Variants in GIGYF2 observed in about 807,000 individuals in gnomAD.
The protein encoded by GIGYF2 is GRB10 interacting GYF protein 2, also known as GRB10-interacting GYF protein 2.
In GIGYF2, 25 loss-of-function variants were observed where a neutral mutation model predicts 208.1. That is an observed-to-expected ratio of 0.12 (90% CI 0.09 to 0.17). The LOEUF is 0.17. Among genes scored for constraint, GIGYF2 ranks in the 10% least tolerant of loss-of-function variants. The pLI, the probability that GIGYF2 is intolerant of heterozygous loss-of-function variation, is 1.00. For missense variants in GIGYF2, 1,302 were observed against 1,579.4 expected (o/e 0.82, Z 2.98); for synonymous variants, 534 against 543.8 (o/e 0.98, Z 0.25).
In GIGYF2 at chr2:232,790,998, C is replaced by T; in HGVS notation, c.931-10C>T. The stretch of plus-strand genomic sequence containing the variant: ...TGCTGTTGATCTTTGGTTTTATTCT[C>T]TTTCTACAGAAAGTACAGAAAGAGC... On this transcript the variant is annotated splice_polypyrimidine_tract_variant and intron_variant, in intron 10 of 28. Coordinates refer to ENST00000373563, the MANE Select transcript of GIGYF2 (RefSeq NM_001103146.3). 2 of 1,613,980 alleles carry T rather than the reference C, an allele frequency of 1.2e-6. No homozygotes were observed. The highest frequency in any genetic ancestry group is 2.2e-5 in the South Asian group (2 of 91,078).
intron 2 of GIGYF2, among the ~76,000 whole-genome samples, chr2:232,718,738 G>C (rs1384191527): frequency 6.6e-6 from 1 of 152,184 alleles, no homozygotes; most frequent in Non-Finnish European, 1.5e-5. Context: ...ACTAAAAATT[G>C]CTGGCTGCTG....
Position 232,767,998 on chromosome 2 carries a change from CT to C in GIGYF2, c.532+6565del, listed in dbSNP as rs1699043590. 8 of 593,060 alleles carry C rather than the reference CT, an allele frequency of 1.3e-5. No homozygotes were observed. The East Asian group carries it at 2.3e-4, about 17-fold the overall frequency. 36.7% of individuals were successfully genotyped at this position (593,060 alleles called of 1,614,324 possible). A position where few individuals can be genotyped will look rare whatever the true frequency, so the allele number is the denominator to read the frequency against. On this transcript the variant is annotated intron_variant, in intron 8 of 28. Transcript: ENST00000373563. ...TACATTGATTTCAGCAGGTAACAAACTTTGTAATGTAGAGTGTTATGTTTCC... is the reference window on the plus strand; with the variant it reads ...TACATTGATTTCAGCAGGTAACAAACTTGTAATGTAGAGTGTTATGTTTCC...
At chr2:232,738,227 C>G (rs1193486399) in intron 3 of GIGYF2, among the ~76,000 whole-genome samples, 3 of 152,016 alleles carry the variant, frequency 2.0e-5, no homozygotes, top group African/African-American at 7.3e-5. Flanking sequence ...AAGGCTTGAA[C>G]TTTTTAAGGT....
intron 28 of GIGYF2, among the ~76,000 whole-genome samples, chr2:232,854,972 G>A (rs555201184): frequency 1.7e-4 from 26 of 152,138 alleles, no homozygotes; most frequent in African/African-American, 5.8e-4. Flanking sequence ...GTTTAAAGAG[G>A]CATTGTTCAT....
At chr2:232,837,557 C>G (rs989582797) in intron 22 of GIGYF2, among the ~76,000 whole-genome samples, 1 of 152,060 alleles carries the variant, frequency 6.6e-6, no homozygotes, top group Non-Finnish European at 1.5e-5. Context: ...TGAGTTCAAG[C>G]GATCCTCCTG....
intron 2 of GIGYF2, among the ~76,000 whole-genome samples, chr2:232,719,480 C>G (rs1371764096): frequency 6.6e-6 from 1 of 152,122 alleles, no homozygotes; most frequent in Non-Finnish European, 1.5e-5. Context: ...AGGTCAGAGT[C>G]TGTCTTTTCT....
intron 3 of GIGYF2, among the ~76,000 whole-genome samples, chr2:232,740,842 C>T (rs960279921): frequency 1.8e-4 from 27 of 152,096 alleles, no homozygotes; most frequent in African/African-American, 6.0e-4. Context: ...TTCCAGTTTT[C>T]AGAAAGGGTA....
rs141126295 is a variant in GIGYF2, at chr2:232,844,067, T to A, written c.2911T>A (p.Leu971Met). 2.9e-5 allele frequency: 47 copies of A among 1,612,270 alleles called. No individual in the cohort carries two copies. The highest frequency in any genetic ancestry group is 5.3e-5 in the African/African-American group (4 of 74,866). The change falls in exon 24 of 29, where the codon TTG (leucine) becomes ATG (methionine). Residue 971 changes from leucine to methionine, a missense_variant. Physicochemically the swap from Leu to Met is conservative, Grantham distance 15. Coordinates refer to ENST00000373563, the MANE Select transcript of GIGYF2 (RefSeq NM_001103146.3). The part of the protein sequence containing the change: ...REEQRRQQRE[L>M]MKALQQQQQQ... ...ACAGCAAAGGCGCCAGCAGAGGGAG[T>A]TGATGAAAGCTCTTCAGCAGCAGCA... is the stretch of plus-strand genomic sequence containing the variant.
chr2:232,725,085 G>A (rs909063121), intron 2 of GIGYF2, among the ~76,000 whole-genome samples: 4 of 151,876 alleles, frequency 2.6e-5, no homozygotes, highest in African/African-American at 9.7e-5. Context: ...TATGTTGTTG[G>A]TAACCTTTCA....
At chr2:232,732,391 A>G (rs1245276880) in intron 2 of GIGYF2, among the ~76,000 whole-genome samples, 1 of 152,046 alleles carries the variant, frequency 6.6e-6, no homozygotes, top group Non-Finnish European at 1.5e-5. Flanking sequence ...TAGTTACTTC[A>G]CTAATACTCC....
At chr2:232,742,858 A>G (rs1698021263) in intron 3 of GIGYF2, among the ~76,000 whole-genome samples, 1 of 152,102 alleles carries the variant, frequency 6.6e-6, no homozygotes, top group South Asian at 2.1e-4. Context: ...TGGATGAATA[A>G]GTTGATGAGT....
At chr2:232,780,129 C>CT in intron 8 of GIGYF2, among the ~76,000 whole-genome samples, 1 of 152,310 alleles carries the variant, frequency 6.6e-6, no homozygotes, top group East Asian at 1.9e-4. Flanking sequence ...GGCTGAGTGC[C>CT]TCTTTGCTCC....
chr2:232,769,024 A>G (rs1374640820), intron 8 of GIGYF2, among the ~76,000 whole-genome samples: 1 of 152,208 alleles, frequency 6.6e-6, no homozygotes, highest in Non-Finnish European at 1.5e-5. Context: ...TGATTTCAGA[A>G]TAGATAAGCA....
intron 2 of GIGYF2, among the ~76,000 whole-genome samples, chr2:232,730,874 G>C (rs2106288941): frequency 7.2e-6 from 1 of 139,250 alleles, no homozygotes; most frequent in Admixed American, 7.1e-5. Flanking sequence ...CTCCAGCCTG[G>C]GCGACAGAGC....
At chr2:232,726,634 T>G (rs1442858044) in intron 2 of GIGYF2, among the ~76,000 whole-genome samples, 1 of 152,088 alleles carries the variant, frequency 6.6e-6, no homozygotes, top group Non-Finnish European at 1.5e-5. Context: ...AGTTTTTAAA[T>G]AGGTCCTATA....
In GIGYF2 at chr2:232,755,845, T is replaced by C. The variant is rs1459518703; in HGVS notation, c.268-378T>C. Among the ~76,000 whole-genome samples, 4 of 152,232 alleles carry C rather than the reference T, an allele frequency of 2.6e-5. No homozygotes were observed. In the East Asian group the frequency reaches 7.7e-4, roughly 29 times the overall value. On this transcript the variant is annotated intron_variant, in intron 5 of 28. Transcript: ENST00000373563. ...TTTCCACTTTTCACCAGTTAAAGGCTTACAGGACCCTTTCAAACCAGATCT... is the reference window on the plus strand; with the variant it reads ...TTTCCACTTTTCACCAGTTAAAGGCCTACAGGACCCTTTCAAACCAGATCT...
rs779754470 is a variant in GIGYF2, at chr2:232,815,716, A to G, written c.2187A>G (p.Leu729=). 1.7e-5 allele frequency: 27 copies of G among 1,593,916 alleles called. 1 individual carries two copies. The East Asian group carries it at 2.0e-4, about 12-fold the overall frequency. The change falls in exon 19 of 29, where the codon CTA becomes CTG. Residue 729 remains leucine, a synonymous_variant. Coordinates refer to ENST00000373563, the MANE Select transcript of GIGYF2 (RefSeq NM_001103146.3). ...PGPALEQLQQ[L]EKAKAAKLEQ... ...CTGCCCTGGAACAGCTTCAGCAGCTAGAGAAGGCCAAAGCTGCAAAGGTCT... is the reference window on the plus strand; with the variant it reads ...CTGCCCTGGAACAGCTTCAGCAGCTGGAGAAGGCCAAAGCTGCAAAGGTCT...
chr2:232,754,893 A>T (rs1421858076), intron 5 of GIGYF2, among the ~76,000 whole-genome samples: 1 of 152,104 alleles, frequency 6.6e-6, no homozygotes, highest in Non-Finnish European at 1.5e-5. Flanking sequence ...AAGTAAAAAA[A>T]AAAAAATCTT....
intron 27 of GIGYF2, among the ~76,000 whole-genome samples, chr2:232,849,068 A>G (rs1690193681): frequency 6.6e-6 from 1 of 152,236 alleles, no homozygotes; most frequent in South Asian, 2.1e-4. Context: ...TGTGGAAGAT[A>G]CAGAGAAGTA....
Sources: allele counts gnomAD v4.1 joint callset (sites outside exome capture counted in the v4.1 genomes callset), GRCh38; gene constraint gnomAD v4.1.1; transcripts MANE v1.5; gene names NCBI Gene and HGNC (gene_info 2026-07-23, HGNC 2026-07-21).